Variants in IPO4 observed in about 807,000 individuals in gnomAD.
IPO4 encodes importin 4.
In IPO4, 91 loss-of-function variants were observed where a neutral mutation model predicts 133.5. That is an observed-to-expected ratio of 0.68 (90% CI 0.58 to 0.81). The LOEUF (loss-of-function observed/expected upper bound fraction) is 0.81. IPO4 is among the 30% of genes least tolerant of loss of function. The probability of loss-of-function intolerance (pLI) is 0.00; values close to 1 mark genes in which losing one functional copy is unlikely to be tolerated. For synonymous variants in IPO4, 607 were observed against 581.6 expected (o/e 1.04, Z -0.63); for missense variants, 1,279 against 1,386.2 (o/e 0.92, Z 1.23).
chr14:24,182,056 A>G lies in IPO4; in HGVS notation c.2706T>C (p.Pro902=), dbSNP rs1160491154. The G allele has an allele frequency of 6.2e-7, 1 of 1,613,764 alleles. No individual in the cohort carries two copies. The highest frequency in any genetic ancestry group is 1.1e-5 in the South Asian group (1 of 91,090). The change falls in exon 26 of 30, where the codon CCT becomes CCC. Residue 902 remains proline, a synonymous_variant. Transcript: ENST00000354464. ...ASAQFVSRLL[P]VLLSTAQEAD... The stretch of plus-strand genomic sequence containing the variant: ...CCTCTTGGGCGGTGCTCAACAGCAC[A>G]GGGAGCAGCCGAGACACAAACTGGG...
rs754436106 is a variant in IPO4 at position 24,186,345 on chromosome 14, T to C, written c.947A>G (p.Glu316Gly). The part of the protein sequence containing the change: ...GQLDPEDQDS[E>G]EEELEIELMG... Reference sequence around the variant, plus strand: ...CAGCTCAATCTCCAACTCTTCCTCTTCTGAATCCTGGTCCTCGGGATCCAA... The same window carrying C: ...CAGCTCAATCTCCAACTCTTCCTCTCCTGAATCCTGGTCCTCGGGATCCAA... Residue 316 changes from glutamate (E) to glycine (G), a missense_variant, in exon 10 of 30, where the codon GAA becomes GGA. By Grantham distance (98) the Glu-to-Gly change is moderately conservative. Coordinates refer to ENST00000354464, the MANE Select transcript of IPO4 (RefSeq NM_024658.4). The C allele has an allele frequency of 6.2e-7, 1 of 1,613,092 alleles. No individual in the cohort carries two copies. Among genetic ancestry groups the C allele is most frequent in the South Asian group, 1.1e-5 (1 of 90,870 alleles).
chr14:24,183,420 G>A (rs376540201), intron 21 of IPO4, 36 bp downstream of exon 21: 4 of 1,598,798 alleles, frequency 2.5e-6, no homozygotes, highest in Non-Finnish European at 3.4e-6. Flanking sequence ...CCCCCAGCCT[G>A]AGAACCCCAC....
intron 12 of IPO4, 28 bp from the exon 13 acceptor site, chr14:24,185,595 G>C: frequency 6.3e-7 from 1 of 1,580,242 alleles, no homozygotes; most frequent in Non-Finnish European, 8.7e-7. Flanking sequence ...GAGGACATAG[G>C]CTGAGAAGCT....
chr14:24,187,809 G>C lies in IPO4; in HGVS notation c.279-13C>G, dbSNP rs577564566. Reference sequence around the variant, plus strand: ...GCTCACACAGTGCCTGCAAACAGGAGAGATCTCCTCCAATCACCCTTCAAT... The same window carrying C: ...GCTCACACAGTGCCTGCAAACAGGACAGATCTCCTCCAATCACCCTTCAAT... On this transcript the variant is annotated splice_polypyrimidine_tract_variant and intron_variant, in intron 4 of 29. Coordinates refer to ENST00000354464, the MANE Select transcript of IPO4 (RefSeq NM_024658.4). 1 of 1,613,956 alleles carries C rather than the reference G, an allele frequency of 6.2e-7. No individual in the cohort carries two copies. Among genetic ancestry groups the C allele is most frequent in the African/African-American group, 1.3e-5 (1 of 75,054 alleles).
rs780298284 is a variant in IPO4 at position 24,184,332 on chromosome 14, C to T, written c.1723G>A (p.Asp575Asn). The T allele has an allele frequency of 4.6e-5, 73 of 1,589,492 alleles. 1 individual carries two copies. In the Middle Eastern group the frequency reaches 1.5e-3, roughly 33 times the overall value. The change falls in exon 17 of 30, where the codon GAC (aspartate) becomes AAC (asparagine). Residue 575 changes from aspartate (D) to asparagine (N), a missense_variant. Around this residue, in one of 3 missense-constraint regions of IPO4, gnomAD observed 9 missense variants for 28.7 expected, o/e 0.31. Transcript: ENST00000354464. Reference sequence around the variant, plus strand: ...CGCAAGTCAGGGTCGTCTACCTGGTCGCAGAGGCCCAGACCCAGCTGGCAG... The same window carrying T: ...CGCAAGTCAGGGTCGTCTACCTGGTTGCAGAGGCCCAGACCCAGCTGGCAG... ...ECCQLGLGLC[D>N]QVDDPDLRRC...
In IPO4 at chr14:24,183,505, A is replaced by C. The variant is rs1340673712; in HGVS notation, c.2072T>G (p.Phe691Cys). 6.2e-7 allele frequency: 1 copy of C among 1,614,006 alleles called. No individual in the cohort carries two copies. The highest frequency in any genetic ancestry group is 8.5e-7 in the Non-Finnish European group (1 of 1,179,970). The stretch of plus-strand genomic sequence containing the variant: ...AAAGACACTTTCCATGTATGGAAGG[A>C]AGGCCACACTACAGAGAGAGACACA... ...GEISVNTSVA[F>C]LPYMESVFEE... Residue 691 changes from phenylalanine to cysteine, a missense_variant, in exon 21 of 30, where the codon TTC (phenylalanine) becomes TGC (cysteine). Coordinates refer to ENST00000354464, the MANE Select transcript of IPO4 (RefSeq NM_024658.4).
intron 22 of IPO4, 25 bp from the exon 23 acceptor site, chr14:24,183,194 C>G (rs2039167247): frequency 6.2e-7 from 1 of 1,609,988 alleles, no homozygotes; most frequent in African/African-American, 1.3e-5. Flanking sequence ...GGCTGAAGCA[C>G]CAGTCAGGCC....
intron 4 of IPO4, 170 bp from the exon 5 acceptor site, chr14:24,187,966 T>C (rs2138821223): frequency 1.2e-6 from 1 of 820,714 alleles, no homozygotes; most frequent in South Asian, 1.7e-5. Context: ...AACAGCACTG[T>C]GGGCATGTAA....
chr14:24,188,308 T>C, intron 3 of IPO4, 36 bp downstream of exon 3: 1 of 1,612,960 alleles, frequency 6.2e-7, no homozygotes, highest in Non-Finnish European at 8.5e-7. Flanking sequence ...AAGAAAAGTC[T>C]CCGCCTGGCC....
In IPO4 at chr14:24,187,277, C is replaced by T. The variant is rs2039237242; in HGVS notation, c.588+123G>A. 6.8e-6 allele frequency: 10 copies of T among 1,461,190 alleles called. No individual in the cohort carries two copies. In the South Asian group the frequency reaches 1.2e-4, roughly 17 times the overall value. The allele number at this position is 1,461,190 out of a possible 1,614,324, so 90.5% of individuals were successfully genotyped here. A position where few individuals can be genotyped will look rare whatever the true frequency, so the allele number is the denominator to read the frequency against. ...CAGCCAGGCCCACCTACAGCATCCC[C>T]TCTCAATTGTCAGGAAGGGCCACAG... On this transcript the variant is annotated intron_variant, in intron 6 of 29. Transcript: ENST00000354464.
At position 24,182,321 on chromosome 14, in the gene IPO4, G is replaced by C; in HGVS notation, c.2555C>G (p.Ala852Gly). ...TGGCAGGAAACCGGCAAAGAATGGGGCAAAGGAGTCTCCCCCAGCCGCGGC... is the reference window on the plus strand; with the variant it reads ...TGGCAGGAAACCGGCAAAGAATGGGCCAAAGGAGTCTCCCCCAGCCGCGGC... ...LAAAAGGDSFAPFFAGFLPLL... is the reference protein window; with the variant it reads ...LAAAAGGDSFGPFFAGFLPLL... The change falls in exon 25 of 30, where the codon GCC becomes GGC. Residue 852 changes from alanine to glycine, a missense_variant. Ala to Gly is a moderately conservative substitution (Grantham distance 60). Around this residue, in one of 3 missense-constraint regions of IPO4, gnomAD observed 575 missense variants for 653.4 expected, o/e 0.88. Coordinates refer to ENST00000354464, the MANE Select transcript of IPO4 (RefSeq NM_024658.4). 6.2e-7 allele frequency: 1 copy of C among 1,613,970 alleles called. No individual in the cohort carries two copies. The highest frequency in any genetic ancestry group is 1.1e-5 in the South Asian group (1 of 91,068).
At chr14:24,186,036 C>A (rs917951092) in intron 11 of IPO4, 66 bp from the exon 12 acceptor site, 5 of 1,592,514 alleles carry the variant, frequency 3.1e-6, no homozygotes, top group Non-Finnish European at 4.3e-6. Context: ...TGGTAATAGG[C>A]CTTCACACCT....
At chr14:24,186,230 C>T (rs1196357717) in intron 10 of IPO4, 48 bp from the exon 11 acceptor site, 3 of 1,608,940 alleles carry the variant, frequency 1.9e-6, no homozygotes, top group South Asian at 2.2e-5. Flanking sequence ...ATCTCTGCCT[C>T]CCCAACGTCC....
rs2039224111 is a variant in IPO4 at position 24,186,429 on chromosome 14, A to T, written c.863T>A (p.Leu288Gln). 1 of 1,596,552 alleles carries T rather than the reference A, an allele frequency of 6.3e-7. No homozygotes were observed. Among genetic ancestry groups the T allele is most frequent in the African/African-American group, 1.3e-5 (1 of 74,586 alleles). ...KSKALLKNRLLPPLLHTLFPI... is the reference protein window; with the variant it reads ...KSKALLKNRLQPPLLHTLFPI... Reference sequence around the variant, plus strand: ...GAAAAGGGTGTGCAGCAAGGGTGGCAGGAGACGATTCTTCAGTAAGGCCTT... The same window carrying T: ...GAAAAGGGTGTGCAGCAAGGGTGGCTGGAGACGATTCTTCAGTAAGGCCTT... Residue 288 changes from leucine (L) to glutamine (Q), a missense_variant, in exon 10 of 30, where the codon CTG (leucine) becomes CAG (glutamine). Transcript: ENST00000354464.
chr14:24,180,855 G>C (rs191951892), intron 28 of IPO4, 97 bp from the exon 29 acceptor site: 13 of 981,230 alleles, frequency 1.3e-5, no homozygotes, highest in African/African-American at 1.3e-4. Context: ...CTTATCAGGG[G>C]GGTGGTTGCA....
intron 9 of IPO4, 72 bp downstream of exon 9, chr14:24,186,636 C>T (rs1566644749): frequency 6.2e-6 from 9 of 1,459,632 alleles, no homozygotes; most frequent in South Asian, 3.5e-5. Context: ...TGAGATGGAC[C>T]GAAAGCCCCA....
At position 24,186,302 on chromosome 14, in the gene IPO4, C is replaced by T; in HGVS notation, c.990G>A (p.Lys330=). 6.2e-7 allele frequency: 1 copy of T among 1,607,646 alleles called. No individual in the cohort carries two copies. The highest frequency in any genetic ancestry group is 1.1e-5 in the South Asian group (1 of 90,138). ...LEIELMGETP[K]HFAVQVVDML... is the part of the protein sequence containing the mutation. ...CACATCTCACTTGTACAGCGAAATG[C>T]TTGGGAGTCTCCCCCATCAGCTCAA... Residue 330 remains lysine, a synonymous_variant, in exon 10 of 30, where the codon AAG becomes AAA. Transcript: ENST00000354464.
Position 24,181,852 on chromosome 14 carries a change from C to T in IPO4, c.2808-9G>A, listed in dbSNP as rs1440418110. 2 of 1,598,528 alleles carry T rather than the reference C, an allele frequency of 1.3e-6. No homozygotes were observed. The highest frequency in any genetic ancestry group is 1.3e-5 in the African/African-American group (1 of 74,826). On this transcript the variant is annotated splice_polypyrimidine_tract_variant and intron_variant, in intron 26 of 29. Coordinates refer to ENST00000354464, the MANE Select transcript of IPO4 (RefSeq NM_024658.4). ...GCAGCTTGGGGAAGTGTCTGGTCCA[C>T]AGTCAAGGAATGGCCACACGCTCAG...
Position 24,184,759 on chromosome 14 carries a change from C to A in IPO4, c.1527G>T (p.Thr509=), listed in dbSNP as rs45484197. ...AGGGCAGCAGCGAGGCCTGGGCAGCCGTAGCTGCAGGATGGAAGGACAGAA... is the reference window on the plus strand; with the variant it reads ...AGGGCAGCAGCGAGGCCTGGGCAGCAGTAGCTGCAGGATGGAAGGACAGAA... ...LAVSALGAIA[T]AAQASLLPYF... The change falls in exon 16 of 30, where the codon ACG becomes ACT. Residue 509 remains threonine, a synonymous_variant. Transcript: ENST00000354464. 1 of 1,611,676 alleles carries A rather than the reference C, an allele frequency of 6.2e-7. No homozygotes were observed. The highest frequency in any genetic ancestry group is 2.2e-5 in the East Asian group (1 of 44,808).
Sources: allele counts gnomAD v4.1 joint callset, GRCh38; gene constraint gnomAD v4.1.1; regional missense constraint gnomAD v4.1.1; transcripts MANE v1.5; gene names NCBI Gene and HGNC (gene_info 2026-07-23, HGNC 2026-07-21).